Variants in KPNA3 observed in about 807,000 individuals in gnomAD.
KPNA3 encodes karyopherin subunit alpha 3, also known as importin subunit alpha-4.
In KPNA3, 13 loss-of-function variants were observed where a neutral mutation model predicts 73.8. The observed-to-expected ratio is 0.18, with a 90% CI of 0.11 to 0.28. The LOEUF (loss-of-function observed/expected upper bound fraction) is 0.28, where lower values mean the gene tolerates loss of function less well. Ranked by LOEUF, KPNA3 falls within the 10% of genes least tolerant of loss-of-function variation. KPNA3 has a pLI of 1.00. For synonymous variants in KPNA3, 186 were observed against 206.9 expected (o/e 0.90, Z 0.87); for missense variants, 360 against 618.1 (o/e 0.58, Z 4.43).
intron 9 of KPNA3, among the ~76,000 whole-genome samples, 173 bp from the exon 10 acceptor site, chr13:49,719,992 A>C (rs1391092859): frequency 6.6e-6 from 1 of 152,222 alleles, no homozygotes; most frequent in Non-Finnish European, 1.5e-5. Context: ...ATCTAAAAAA[A>C]CCAAAAACAT....
chr13:49,747,991 ACT>A (rs1399805052), intron 1 of KPNA3, among the ~76,000 whole-genome samples: 2 of 152,104 alleles, frequency 1.3e-5, no homozygotes, highest in African/African-American at 4.8e-5. Flanking sequence ...CTCCTCTATA[ACT>A]CTGAATCTTA....
intron 2 of KPNA3, among the ~76,000 whole-genome samples, chr13:49,744,357 T>A (rs1954598853): frequency 6.6e-6 from 1 of 152,236 alleles, no homozygotes; most frequent in East Asian, 1.9e-4. Flanking sequence ...AAAGTATTGT[T>A]GTGTCCATAA....
intron 1 of KPNA3, among the ~76,000 whole-genome samples, chr13:49,790,582 T>G (rs1206460218): frequency 6.6e-6 from 1 of 152,254 alleles, no homozygotes; most frequent in East Asian, 1.9e-4. Context: ...GAACTACCAT[T>G]TGAATGTCTA....
chr13:49,770,175 G>C (rs1396056529), intron 1 of KPNA3, among the ~76,000 whole-genome samples: 1 of 144,612 alleles, frequency 6.9e-6, no homozygotes, highest in East Asian at 2.0e-4. Flanking sequence ...CCATTTGTGG[G>C]CTGCTTTTTT....
At chr13:49,702,668 A>C (rs1954158806) in intron 15 of KPNA3, among the ~76,000 whole-genome samples, 188 bp from the exon 16 acceptor site, 2 of 152,110 alleles carry the variant, frequency 1.3e-5, no homozygotes, top group Admixed American at 1.3e-4. Context: ...CCAGAATCCC[A>C]CTAATTTTTT....
intron 7 of KPNA3, among the ~76,000 whole-genome samples, chr13:49,725,017 C>T (rs1055744868): frequency 2.1e-4 from 32 of 152,180 alleles, no homozygotes; most frequent in African/African-American, 6.5e-4. Flanking sequence ...TAATAACGTA[C>T]GTGGTGATAT....
chr13:49,782,537 T>C (rs866665074), intron 1 of KPNA3, among the ~76,000 whole-genome samples: 2 of 152,192 alleles, frequency 1.3e-5, no homozygotes, highest in Non-Finnish European at 2.9e-5. Flanking sequence ...GGGAATATTT[T>C]CATATTTATA....
rs531487911 is a variant in KPNA3 at position 49,716,907 on chromosome 13, G to A, written c.771+2868C>T. Among the ~76,000 whole-genome samples the A allele has an allele frequency of 1.6e-4, 24 of 152,056 alleles. No homozygotes were observed. The East Asian group carries it at 2.3e-3, about 15-fold the overall frequency. The stretch of plus-strand genomic sequence containing the variant: ...TTTCATCAATCCCTTAAATACTGAC[G>A]AATCCAAAATCTGTATTGTCTTTTG... On this transcript the variant is annotated intron_variant, in intron 10 of 16. Transcript: ENST00000261667.
intron 2 of KPNA3, among the ~76,000 whole-genome samples, chr13:49,745,419 G>A (rs1954607975): frequency 7.3e-6 from 1 of 137,210 alleles, no homozygotes; most frequent in Admixed American, 7.5e-5. Flanking sequence ...GAGTGTAGTG[G>A]CGTGACCCTG....
intron 1 of KPNA3, among the ~76,000 whole-genome samples, chr13:49,791,641 C>T (rs1034598689): frequency 5.3e-5 from 8 of 152,146 alleles, no homozygotes; most frequent in African/African-American, 1.9e-4. Flanking sequence ...AAATTATCAC[C>T]CTATGCACAC....
At chr13:49,733,272 C>T (rs566030638) in intron 2 of KPNA3, among the ~76,000 whole-genome samples, 1 of 148,452 alleles carries the variant, frequency 6.7e-6, no homozygotes, top group Admixed American at 6.9e-5. Flanking sequence ...CATTAAGCAC[C>T]CACTGTGGTG....
chr13:49,758,460 T>A (rs778648516), intron 1 of KPNA3, among the ~76,000 whole-genome samples: 1 of 152,156 alleles, frequency 6.6e-6, no homozygotes, highest in Non-Finnish European at 1.5e-5. Context: ...CTCCAAACTG[T>A]TCTCGGTAAC....
At chr13:49,736,173 C>T (rs1056940965) in intron 2 of KPNA3, among the ~76,000 whole-genome samples, 1 of 152,000 alleles carries the variant, frequency 6.6e-6, no homozygotes, top group East Asian at 1.9e-4. Context: ...AATAGTCCAA[C>T]CCTGGTTGCA....
chr13:49,733,053 G>C lies in KPNA3; in HGVS notation c.115-7C>G, dbSNP rs374931785. 1 of 1,572,180 alleles carries C rather than the reference G, an allele frequency of 6.4e-7. No individual in the cohort carries two copies. Among genetic ancestry groups the C allele is most frequent in the Non-Finnish European group, 8.7e-7 (1 of 1,144,486 alleles). On this transcript the variant is annotated splice_polypyrimidine_tract_variant and splice_region_variant and intron_variant, in intron 2 of 16. Coordinates refer to ENST00000261667, the MANE Select transcript of KPNA3 (RefSeq NM_002267.4). ...AGTGTTCATCTCTTTTGTTCTGAAA[G>C]GCAACCAATAAATGCTTAAGAAGTC...
rs757998284 is a variant in KPNA3, at chr13:49,759,668, T to C, written c.70-12675A>G. 5.1e-4 allele frequency among the ~76,000 whole-genome samples: 78 copies of C among 152,256 alleles called. 1 individual carries two copies. Among genetic ancestry groups the C allele is most frequent in the African/African-American group, 1.2e-3 (51 of 41,552 alleles). ...CATGCACAGTTCACAGCAGGGTTTG[T>C]GCTCCTTTGAGAATCAAATGCAGCT... On this transcript the variant is annotated intron_variant, in intron 1 of 16. Coordinates refer to ENST00000261667, the MANE Select transcript of KPNA3 (RefSeq NM_002267.4).
intron 1 of KPNA3, among the ~76,000 whole-genome samples, chr13:49,779,359 T>C (rs1015617091): frequency 1.3e-5 from 2 of 152,168 alleles, no homozygotes; most frequent in Non-Finnish European, 1.5e-5. Flanking sequence ...ATAGTTAACG[T>C]TGTCAAAGAA....
intron 1 of KPNA3, among the ~76,000 whole-genome samples, chr13:49,792,187 G>A (rs1955039458): frequency 6.6e-6 from 1 of 151,932 alleles, no homozygotes; most frequent in Non-Finnish European, 1.5e-5. Context: ...ACACCAGGCC[G>A]CGCCCGCGTG....
chr13:49,713,634 AACACACACACACACACACAC>A (rs66994650), intron 10 of KPNA3, among the ~76,000 whole-genome samples: 4 of 140,830 alleles, frequency 2.8e-5, no homozygotes, highest in East Asian at 2.2e-4. Context: ...TCTTAGGTGA[AACACACACACACACACACAC>A]ACACACACAC....
At chr13:49,753,811 G>T (rs924459697) in intron 1 of KPNA3, among the ~76,000 whole-genome samples, 1 of 152,172 alleles carries the variant, frequency 6.6e-6, no homozygotes, top group African/African-American at 2.4e-5. Flanking sequence ...GATCTGTGGT[G>T]CAACAGTTTC....
Sources: gnomAD v4.1 joint callset for allele counts (sites outside exome capture counted in the v4.1 genomes callset) on GRCh38, gnomAD v4.1.1 for gene constraint, MANE v1.5 for transcripts, NCBI Gene and HGNC (gene_info 2026-07-23, HGNC 2026-07-21) for gene names.